The following ARAP2 variants were observed in gnomAD, a reference collection of about 807,000 sequenced individuals.
ARAP2 encodes the protein ArfGAP with RhoGAP domain, ankyrin repeat and PH domain 2, also known as arf-GAP with Rho-GAP domain, ANK repeat and PH domain-containing protein 2.
A neutral mutation model predicts 194.5 loss-of-function variants in ARAP2; 148 were observed. That is an observed-to-expected ratio of 0.76 (90% CI 0.67 to 0.87). ARAP2 has a LOEUF of 0.87. Ranked by LOEUF, ARAP2 falls within the 40% of genes least tolerant of loss-of-function variation. The pLI is 0.00. For synonymous variants in ARAP2, 695 were observed against 683.5 expected, an observed-to-expected ratio of 1.02 and a Z score of -0.26; for missense variants, 2,128 against 1,989.7, an observed-to-expected ratio of 1.07 and a Z score of -1.32.
chr4:36,169,823 C>T (rs1232550644), intron 9 of ARAP2, among the ~76,000 whole-genome samples: 1 of 152,208 alleles, frequency 6.6e-6, no homozygotes, highest in Non-Finnish European at 1.5e-5. Flanking sequence ...TGAGCCACAG[C>T]ACCACCCACT....
At chr4:36,243,991 C>T (rs763049131) in intron 1 of ARAP2, 188 bp downstream of exon 1, 2 of 152,300 alleles carry the variant, frequency 1.3e-5, no homozygotes, top group Non-Finnish European at 2.9e-5. Context: ...CACTTACCGG[C>T]TTCTGGTTTC....
At chr4:36,134,735 T>TACACACACACAC (rs71199697) in intron 19 of ARAP2, among the ~76,000 whole-genome samples, 221 of 148,162 alleles carry the variant, frequency 1.5e-3, no homozygotes, top group African/African-American at 5.2e-3. Context: ...CACACACAAA[T>TACACACACACAC]ACACACACAC....
At chr4:36,106,617 C>A (rs552879075) in intron 27 of ARAP2, among the ~76,000 whole-genome samples, 13 of 151,870 alleles carry the variant, frequency 8.6e-5, no homozygotes, top group Non-Finnish European at 1.8e-4. Flanking sequence ...ATCCTCCCCA[C>A]CTTTTTTCAC....
Position 36,114,887 on chromosome 4 carries a change from A to C in ARAP2, c.4039-600T>G, listed in dbSNP as rs575170292. On this transcript the variant is annotated intron_variant, in intron 25 of 32. Transcript: ENST00000303965. The stretch of plus-strand genomic sequence containing the variant: ...GTCCCAAAGCCTGAGGCCACTGTAT[A>C]AGCACATCACCTCTTCAGGGACTTT... Among the ~76,000 whole-genome samples the C allele has an allele frequency of 4.5e-4, 68 of 152,128 alleles. 1 individual carries two copies. The highest frequency in any genetic ancestry group is 1.2e-3 in the African/African-American group (51 of 41,550).
intron 27 of ARAP2, among the ~76,000 whole-genome samples, chr4:36,103,458 T>TATA (rs1271684124): frequency 6.6e-6 from 1 of 151,164 alleles, no homozygotes; most frequent in African/African-American, 2.4e-5. Flanking sequence ...CAGTATAATA[T>TATA]ATAATAATAA....
intron 9 of ARAP2, among the ~76,000 whole-genome samples, chr4:36,173,690 G>A (rs1225522624): frequency 6.6e-6 from 1 of 151,656 alleles, no homozygotes; most frequent in Non-Finnish European, 1.5e-5. Flanking sequence ...CGAATTGGAG[G>A]AAAAAAAACT....
At chr4:36,025,624 C>T (rs1439689880) in intron 5 of ARAP2, among the ~76,000 whole-genome samples, 2 of 151,548 alleles carry the variant, frequency 1.3e-5, no homozygotes, top group Admixed American at 6.6e-5. Context: ...CAAGGTCCTT[C>T]GTCTATTTTT....
intron 26 of ARAP2, among the ~76,000 whole-genome samples, chr4:36,111,842 C>T (rs756553439): frequency 6.6e-6 from 1 of 151,940 alleles, no homozygotes; most frequent in Non-Finnish European, 1.5e-5. Context: ...TGGCCAGTAG[C>T]CAGAGATACA....
Position 36,039,314 on chromosome 4 carries a change from AT to A in ARAP2, n.607+6664del, listed in dbSNP as rs1373383675. 3.9e-5 allele frequency among the ~76,000 whole-genome samples: 6 copies of A among 152,310 alleles called. No individual in the cohort carries two copies. In the East Asian group the frequency reaches 5.8e-4, roughly 15 times the overall value. ...CCACACTGTTTATATAAATCTGTAC[AT>A]CTCTTCCACATTCTGCATAGCCGTT... On this transcript the variant is annotated intron_variant and non_coding_transcript_variant, in intron 5 of 12. Coordinates refer to the ARAP2 transcript ENST00000503225.
At chr4:36,146,645 C>T (rs534106268) in intron 19 of ARAP2, among the ~76,000 whole-genome samples, 2 of 152,190 alleles carry the variant, frequency 1.3e-5, no homozygotes, top group South Asian at 4.1e-4. Flanking sequence ...TTCAAGATCT[C>T]TTTTCTTAGC....
intron 27 of ARAP2, among the ~76,000 whole-genome samples, chr4:36,101,670 G>A (rs1373532369): frequency 6.6e-6 from 1 of 151,928 alleles, no homozygotes; most frequent in Non-Finnish European, 1.5e-5. Flanking sequence ...TGATTCTCAT[G>A]CAACTTTGCA....
chr4:36,210,278 A>ATG (rs1375308685), intron 6 of ARAP2, 112 bp downstream of exon 6: 70 of 903,646 alleles, frequency 7.7e-5, no homozygotes, highest in South Asian at 9.2e-5. Flanking sequence ...ATCTCTGTGT[A>ATG]TGTGTGTGTG....
chr4:36,116,912 G>A (rs1453889071), intron 25 of ARAP2, 149 bp downstream of exon 25: 1 of 398,798 alleles, frequency 2.5e-6, no homozygotes, highest in Non-Finnish European at 4.4e-6. Context: ...AGAATTCCTG[G>A]GGGATATCAC....
rs1317834226 is a variant in ARAP2 at position 36,121,342 on chromosome 4, A to G, written c.3747-16T>C. Reference sequence around the variant, plus strand: ...TTTCTGAACCCTGTCAGAGAAAAGCATAGTTTATTATGATACACTTTTATT... The same window carrying G: ...TTTCTGAACCCTGTCAGAGAAAAGCGTAGTTTATTATGATACACTTTTATT... On this transcript the variant is annotated splice_polypyrimidine_tract_variant and intron_variant, in intron 22 of 32. Coordinates refer to ENST00000303965, the MANE Select transcript of ARAP2 (RefSeq NM_015230.4). 6.4e-7 allele frequency: 1 copy of G among 1,556,748 alleles called. No homozygotes were observed. The highest frequency in any genetic ancestry group is 1.4e-5 in the African/African-American group (1 of 72,316).
At chr4:36,150,084 C>T (rs919032228) in intron 16 of ARAP2, among the ~76,000 whole-genome samples, 4 of 152,140 alleles carry the variant, frequency 2.6e-5, no homozygotes, top group Non-Finnish European at 5.9e-5. Context: ...AAATATATTA[C>T]ATAAATAATG....
At chr4:36,086,865 T>C (rs780675489) in intron 28 of ARAP2, among the ~76,000 whole-genome samples, 8 of 152,246 alleles carry the variant, frequency 5.3e-5, no homozygotes, top group Admixed American at 2.0e-4. Flanking sequence ...TCCCCTTTTA[T>C]GTAAATTAAG....
intron 5 of ARAP2, among the ~76,000 whole-genome samples, chr4:36,019,797 G>T (rs1311285290): frequency 6.6e-6 from 1 of 152,216 alleles, no homozygotes; most frequent in East Asian, 1.9e-4. Context: ...GTCACTGGGT[G>T]TTATAAGATA....
chr4:36,133,033 A>C (rs1417591733), intron 20 of ARAP2, among the ~76,000 whole-genome samples, 193 bp downstream of exon 20: 1 of 151,786 alleles, frequency 6.6e-6, no homozygotes, highest in Non-Finnish European at 1.5e-5. Context: ...AAATGGTAAA[A>C]ATGTATAGTT....
chr4:36,122,509 C>A lies in ARAP2; in HGVS notation c.3747-1183G>T, dbSNP rs144478342. Among the ~76,000 whole-genome samples the A allele has an allele frequency of 4.0e-3, 606 of 151,928 alleles. 7 individuals carry two copies. The highest frequency in any genetic ancestry group is 0.014 in the African/African-American group (568 of 41,480). Reference sequence around the variant, plus strand: ...GGCCAATATCCTTAGCAAACTAACACAGGAACAGAAAACCAAATACTGTAT... The same window carrying A: ...GGCCAATATCCTTAGCAAACTAACAAAGGAACAGAAAACCAAATACTGTAT... On this transcript the variant is annotated intron_variant, in intron 22 of 32. Coordinates refer to ENST00000303965, the MANE Select transcript of ARAP2 (RefSeq NM_015230.4).
Sources: allele counts gnomAD v4.1 joint callset (sites outside exome capture counted in the v4.1 genomes callset), GRCh38; gene constraint gnomAD v4.1.1; transcripts MANE v1.5; gene names NCBI Gene and HGNC (gene_info 2026-07-23, HGNC 2026-07-21).